Variants in ITIH2 observed in about 807,000 individuals in gnomAD.
ITIH2 encodes inter-alpha-trypsin inhibitor heavy chain 2.
A neutral mutation model predicts 104.4 loss-of-function variants in ITIH2; 103 were observed. That is an observed-to-expected ratio of 0.99 (90% CI 0.84 to 1.16). ITIH2 has a LOEUF of 1.16. ITIH2 is among the 50% of genes most tolerant of loss of function. The probability of loss-of-function intolerance (pLI) is 0.00; values close to 1 mark genes in which losing one functional copy is unlikely to be tolerated. For missense variants in ITIH2, 1,108 were observed against 1,162.4 expected, an observed-to-expected ratio of 0.95 and a Z score of 0.68; for synonymous variants, 436 against 435.4, an observed-to-expected ratio of 1.00 and a Z score of -0.02.
chr10:7,713,061 A>G, intron 4 of ITIH2, 120 bp from the exon 5 acceptor site: 2 of 696,998 alleles, frequency 2.9e-6, no homozygotes, highest in Non-Finnish European at 4.9e-6. Context: ...TGGAGGTTGC[A>G]CTGAACTGAG....
In ITIH2 at chr10:7,726,973, A is replaced by G. The variant is rs763117322; in HGVS notation, c.1008A>G (p.Ile336Met). The G allele has an allele frequency of 6.2e-7, 1 of 1,613,050 alleles. No homozygotes were observed. Among genetic ancestry groups the G allele is most frequent in the East Asian group, 2.2e-5 (1 of 44,860 alleles). ...MKQTVEAMKT[I>M]LDDLRAEDHF... The stretch of plus-strand genomic sequence containing the variant: ...AGACTGTGGAAGCAATGAAGACCAT[A>G]TTGGATGACCTCAGAGCAGAAGACC... The change falls in exon 10 of 21, where the codon ATA becomes ATG. Residue 336 changes from isoleucine to methionine, a missense_variant. Transcript: ENST00000358415.
At chr10:7,729,877 GC>G (rs1834985004) in intron 11 of ITIH2, 74 bp from the exon 12 acceptor site, 3 of 1,008,600 alleles carry the variant, frequency 3.0e-6, no homozygotes, top group Non-Finnish European at 4.4e-6. Flanking sequence ...TTACTAAACT[GC>G]CCTCCCTGGA....
intron 14 of ITIH2, among the ~76,000 whole-genome samples, chr10:7,732,991 T>C (rs1201408582): frequency 6.6e-6 from 1 of 152,184 alleles, no homozygotes; most frequent in Non-Finnish European, 1.5e-5. Flanking sequence ...CCTCCCAAAG[T>C]ACTGGGATTA....
At position 7,721,570 on chromosome 10, in the gene ITIH2, C is replaced by A. The variant is rs1834902962; in HGVS notation, c.739-79C>A. 2.9e-6 allele frequency: 4 copies of A among 1,357,130 alleles called. No individual in the cohort carries two copies. The South Asian group carries it at 4.1e-5, about 14-fold the overall frequency. 84.1% of individuals were successfully genotyped at this position (1,357,130 alleles called of 1,614,324 possible). ...ACGTCCATTGGGCAGCTCCTCTTCC[C>A]TGTGTGCTGGAGAAGGGGCAGCGCC... On this transcript the variant is annotated intron_variant, in intron 7 of 20. Transcript: ENST00000358415.
intron 19 of ITIH2, among the ~76,000 whole-genome samples, chr10:7,746,162 C>T (rs1016191379): frequency 7.0e-6 from 1 of 143,796 alleles, no homozygotes; most frequent in African/African-American, 2.6e-5. Flanking sequence ...GTGGGTGGAT[C>T]GCTTGAGTCC....
At chr10:7,735,694 A>G (rs1835049207) in intron 15 of ITIH2, among the ~76,000 whole-genome samples, 2 of 120,278 alleles carry the variant, frequency 1.7e-5, no homozygotes, top group East Asian at 2.3e-4. Flanking sequence ...TTTTTTTGAG[A>G]CAGAGTCTTG....
chr10:7,738,692 G>C lies in ITIH2; in HGVS notation c.2029G>C (p.Val677Leu), dbSNP rs188916946. 6.2e-7 allele frequency: 1 copy of C among 1,613,558 alleles called. No homozygotes were observed. ...TTGGGCCAATCCTTCACCAACGCCC[G>C]TGATCTCCATGCTGGCACAAGGATC... Reference protein sequence around the residue: ...PSWANPSPTPVISMLAQGSQV... With the variant: ...PSWANPSPTPLISMLAQGSQV... The change falls in exon 16 of 21, where the codon GTG becomes CTG. Residue 677 changes from valine to leucine, a missense_variant. Val to Leu is a conservative substitution (Grantham distance 32). Transcript: ENST00000358415.
At position 7,737,664 on chromosome 10, in the gene ITIH2, AT is replaced by A. The variant is rs1564305573; in HGVS notation, c.1958-955del. Among the ~76,000 whole-genome samples the A allele has an allele frequency of 4.2e-3, 133 of 31,694 alleles. 3 individuals are homozygous for A. Among genetic ancestry groups the A allele is most frequent in the African/African-American group, 7.7e-3 (73 of 9,426 alleles). 20.8% of individuals were successfully genotyped at this position (31,694 alleles called of 152,430 possible). A position where few individuals can be genotyped will look rare whatever the true frequency, so the allele number is the denominator to read the frequency against. On this transcript the variant is annotated intron_variant, in intron 15 of 20. Transcript: ENST00000358415. Reference sequence around the variant, plus strand: ...TAGAATATTCTATATTATATTCTATATTATATTCTATATTTTCTATATTATA... The same window carrying A: ...TAGAATATTCTATATTATATTCTATATATATTCTATATTTTCTATATTATA...
Position 7,749,266 on chromosome 10 carries a change from G to C in ITIH2, c.2773G>C (p.Gly925Arg). The C allele has an allele frequency of 1.2e-6, 2 of 1,614,146 alleles. No homozygotes were observed. The highest frequency in any genetic ancestry group is 1.7e-6 in the Non-Finnish European group (2 of 1,180,014). Residue 925 changes from glycine (G) to arginine (R), a missense_variant, in exon 21 of 21, where the codon GGA becomes CGA. Coordinates refer to ENST00000358415, the MANE Select transcript of ITIH2 (RefSeq NM_002216.3). ...CTGGTTTGTGCACAACAGTGGAAAA[G>C]GATTCATTGACGGGCATTACAAGGA... is the stretch of plus-strand genomic sequence containing the variant. ...TCWFVHNSGKGFIDGHYKDYF... is the reference protein window; with the variant it reads ...TCWFVHNSGKRFIDGHYKDYF...
chr10:7,728,536 C>T (rs148497088), intron 11 of ITIH2, among the ~76,000 whole-genome samples: 19 of 152,116 alleles, frequency 1.2e-4, no homozygotes, highest in African/African-American at 4.6e-4. Flanking sequence ...TGTGCACCAC[C>T]ACACTCAGCT....
At chr10:7,710,667 A>G (rs920125101) in intron 4 of ITIH2, among the ~76,000 whole-genome samples, 1 of 152,216 alleles carries the variant, frequency 6.6e-6, no homozygotes, top group African/African-American at 2.4e-5. Flanking sequence ...AGTGGCAGTC[A>G]TGTGAACTCT....
intron 14 of ITIH2, 80 bp from the exon 15 acceptor site, chr10:7,734,837 TGGTGG>T: frequency 8.2e-7 from 1 of 1,212,358 alleles, no homozygotes; most frequent in Non-Finnish European, 1.2e-6. Context: ...ACCCCAGCAG[TGGTGG>T]GGTGCAGGGT....
chr10:7,737,749 TATTCTATATTATATTCTATATA>T (rs1835078776), intron 15 of ITIH2, among the ~76,000 whole-genome samples: 2 of 25,264 alleles, frequency 7.9e-5, no homozygotes, highest in African/African-American at 1.8e-4. Flanking sequence ...TTCTATATAA[TATTCTATATTATATTCTATATA>T]ATATTCTATA....
At chr10:7,733,078 C>T (rs1254124555) in intron 14 of ITIH2, among the ~76,000 whole-genome samples, 1 of 151,812 alleles carries the variant, frequency 6.6e-6, no homozygotes, top group Non-Finnish European at 1.5e-5. Flanking sequence ...TATCTATCAT[C>T]CGTGTAATCA....
At position 7,744,224 on chromosome 10, in the gene ITIH2, T is replaced by C; in HGVS notation, c.2352T>C (p.His784=). 6.2e-7 allele frequency: 1 copy of C among 1,614,196 alleles called. No individual in the cohort carries two copies. Among genetic ancestry groups the C allele is most frequent in the Non-Finnish European group, 8.5e-7 (1 of 1,180,036 alleles). Residue 784 remains histidine (H), a synonymous_variant, in exon 18 of 21, where the codon CAT becomes CAC. Coordinates refer to ENST00000358415, the MANE Select transcript of ITIH2 (RefSeq NM_002216.3). ...EISTETITLS[H]GSSTFSLSWS... ...GCACTGAGACCATCACCCTGAGCCA[T>C]GGTTCTAGCACATTCTCCTTGTCCT... is the stretch of plus-strand genomic sequence containing the variant.
chr10:7,738,576 GAAACGTAA>G (rs1564306265), intron 15 of ITIH2, 37 bp from the exon 16 acceptor site: 1 of 1,608,458 alleles, frequency 6.2e-7, no homozygotes, highest in Non-Finnish European at 8.5e-7. Context: ...AATTTCCGTG[GAAACGTAA>G]ATCTAGAAAC....
intron 14 of ITIH2, among the ~76,000 whole-genome samples, chr10:7,733,774 A>G (rs938630766): frequency 2.0e-5 from 3 of 152,170 alleles, no homozygotes; most frequent in Non-Finnish European, 4.4e-5. Flanking sequence ...CATTCTGTCT[A>G]TAAGACAGGA....
Position 7,720,935 on chromosome 10 carries a change from T to C in ITIH2, c.710T>C (p.Val237Ala). The change falls in exon 7 of 21, where the codon GTT becomes GCT. Residue 237 changes from valine (V) to alanine (A), a missense_variant. Physicochemically the swap from Val to Ala is moderately conservative, Grantham distance 64 (BLOSUM62 0). Coordinates refer to ENST00000358415, the MANE Select transcript of ITIH2 (RefSeq NM_002216.3). ...ACATTTGAAGGCCATTTCGATGGTG[T>C]TCCGGTCATTTCTAAAGGACAACAG... ...PDTFEGHFDG[V>A]PVISKGQQKA... 4 of 1,612,912 alleles carry C rather than the reference T, an allele frequency of 2.5e-6. No individual in the cohort carries two copies. Among genetic ancestry groups the C allele is most frequent in the Non-Finnish European group, 3.4e-6 (4 of 1,178,900 alleles).
chr10:7,721,606 A>T, intron 7 of ITIH2, 43 bp from the exon 8 acceptor site: 2 of 1,589,802 alleles, frequency 1.3e-6, no homozygotes, highest in Non-Finnish European at 1.7e-6. Flanking sequence ...AAGCACTGGG[A>T]AGGGGCTAGA....
Sources: gnomAD v4.1 joint callset for allele counts (sites outside exome capture counted in the v4.1 genomes callset) on GRCh38, gnomAD v4.1.1 for gene constraint, MANE v1.5 for transcripts, NCBI Gene and HGNC (gene_info 2026-07-23, HGNC 2026-07-21) for gene names.